The following GLDC variants were observed in gnomAD, a reference collection of about 807,000 sequenced individuals.
GLDC encodes the protein glycine dehydrogenase (decarboxylating), mitochondrial.
Under a neutral mutation model 121.3 loss-of-function variants are expected in GLDC, and 104 were observed. That is an observed-to-expected ratio of 0.86 (90% CI 0.73 to 1.01). GLDC has a LOEUF of 1.01. Among genes scored for constraint, GLDC ranks in the 50% least tolerant of loss-of-function variants. The pLI, the probability that GLDC is intolerant of heterozygous loss-of-function variation, is 0.00. For missense variants in GLDC, 1,429 were observed against 1,306.6 expected (o/e 1.09, Z -1.44); for synonymous variants, 546 against 480.6 (o/e 1.14, Z -1.78).
intron 2 of GLDC, among the ~76,000 whole-genome samples, chr9:6,630,376 A>G (rs1040835464): frequency 2.6e-5 from 4 of 152,316 alleles, no homozygotes; most frequent in Admixed American, 6.5e-5. Flanking sequence ...AGGCATCAGT[A>G]GGCCATCCAC....
At chr9:6,629,258 A>T (rs1195098752) in intron 2 of GLDC, among the ~76,000 whole-genome samples, 1 of 149,454 alleles carries the variant, frequency 6.7e-6, no homozygotes, top group Non-Finnish European at 1.5e-5. Flanking sequence ...TCTGTTGCCC[A>T]GGTTGGAGTG....
intron 6 of GLDC, 106 bp downstream of exon 6, chr9:6,605,025 A>T: frequency 8.7e-7 from 1 of 1,150,168 alleles, no homozygotes; most frequent in Non-Finnish European, 1.3e-6. Context: ...TCCATGTGAT[A>T]ATGGTAAAGA....
intron 21 of GLDC, among the ~76,000 whole-genome samples, chr9:6,546,446 C>A (rs374669783): frequency 4.0e-5 from 6 of 151,178 alleles, no homozygotes; most frequent in Non-Finnish European, 8.9e-5. Context: ...GCAACCCTCC[C>A]GGCTTGGCCT....
At chr9:6,618,867 G>C (rs1465962055) in intron 3 of GLDC, among the ~76,000 whole-genome samples, 1 of 151,854 alleles carries the variant, frequency 6.6e-6, no homozygotes. Context: ...GACTTGGCTG[G>C]GCGCGGTGGC....
In GLDC at chr9:6,576,878, C is replaced by G. The variant is rs543222820; in HGVS notation, c.1850+10263G>C. Among the ~76,000 whole-genome samples, 3 of 152,298 alleles carry G rather than the reference C, an allele frequency of 2.0e-5. No individual in the cohort carries two copies. In the East Asian group the frequency reaches 5.8e-4, roughly 29 times the overall value. ...GACTGTCTATTCCTGAATTAAATCT[C>G]ATTCACTTTTCTGTTGCTAGAGAAA... On this transcript the variant is annotated intron_variant, in intron 15 of 24. Coordinates refer to ENST00000321612, the MANE Select transcript of GLDC (RefSeq NM_000170.3).
intron 15 of GLDC, among the ~76,000 whole-genome samples, chr9:6,572,190 A>G (rs1422347527): frequency 6.6e-6 from 1 of 152,246 alleles, no homozygotes; most frequent in Non-Finnish European, 1.5e-5. Flanking sequence ...GAACTCCATC[A>G]TAATTAAAAA....
At chr9:6,581,827 G>C (rs1049298868) in intron 15 of GLDC, among the ~76,000 whole-genome samples, 3 of 152,132 alleles carry the variant, frequency 2.0e-5, no homozygotes, top group Non-Finnish European at 4.4e-5. Context: ...TGTATATTTA[G>C]AGTTGCCTTT....
At position 6,556,108 on chromosome 9, in the gene GLDC, C is replaced by A. The variant is rs756235649; in HGVS notation, c.2202+45G>T. 8 of 1,540,810 alleles carry A rather than the reference C, an allele frequency of 5.2e-6. No homozygotes were observed. The South Asian group carries it at 7.9e-5, about 15-fold the overall frequency. ...AGAATTTTTTTTTTTTTCCACATAT[C>A]CATTTTCTCAGTGGGAACTAAGGGC... On this transcript the variant is annotated intron_variant, in intron 18 of 24. Coordinates refer to ENST00000321612, the MANE Select transcript of GLDC (RefSeq NM_000170.3).
At chr9:6,538,358 A>C (rs1283592742) in intron 22 of GLDC, among the ~76,000 whole-genome samples, 2 of 152,248 alleles carry the variant, frequency 1.3e-5, no homozygotes, top group East Asian at 3.8e-4. Context: ...ATTAGCCTGG[A>C]ACTGCTGGGT....
intron 21 of GLDC, among the ~76,000 whole-genome samples, chr9:6,550,121 G>C (rs930538992): frequency 1.3e-5 from 2 of 152,208 alleles, no homozygotes; most frequent in South Asian, 4.1e-4. Context: ...AATGGCTCCA[G>C]CAAGAAGGCG....
At position 6,592,897 on chromosome 9, in the gene GLDC, C is replaced by T. The variant is rs754371399; in HGVS notation, c.1355G>A (p.Arg452Lys). ...AAAATTGATCTGCCGCTGAGCGGCCCTGCCCAAGACCTCCTTCACTGAGCA... is the reference window on the plus strand; with the variant it reads ...AAAATTGATCTGCCGCTGAGCGGCCTTGCCCAAGACCTCCTTCACTGAGCA... ...CGCSVKEVLG[R>K]AAQRQINFRL... is the part of the protein sequence containing the mutation. Residue 452 changes from arginine to lysine, a missense_variant, in exon 10 of 25, where the codon AGG becomes AAG. By Grantham distance (26) the Arg-to-Lys change is conservative. Coordinates refer to ENST00000321612, the MANE Select transcript of GLDC (RefSeq NM_000170.3). 1 of 1,614,010 alleles carries T rather than the reference C, an allele frequency of 6.2e-7. No homozygotes were observed. Among genetic ancestry groups the T allele is most frequent in the Non-Finnish European group, 8.5e-7 (1 of 1,179,880 alleles).
chr9:6,552,770 T>C (rs1817541298), intron 20 of GLDC, among the ~76,000 whole-genome samples: 1 of 151,952 alleles, frequency 6.6e-6, no homozygotes, highest in African/African-American at 2.4e-5. Context: ...CTGTAGAAAA[T>C]CAACTCTGGC....
At chr9:6,639,542 G>C (rs563156700) in intron 2 of GLDC, 1 of 786,530 alleles carries the variant, frequency 1.3e-6, no homozygotes, top group Non-Finnish European at 2.3e-6. Flanking sequence ...ATGGAGAGAA[G>C]AAGGTATATG....
chr9:6,565,202 A>AT, intron 16 of GLDC, 152 bp downstream of exon 16: 2 of 742,108 alleles, frequency 2.7e-6, no homozygotes, highest in Admixed American at 3.8e-5. Flanking sequence ...AGCAAGGATC[A>AT]TAATGGCTAG....
chr9:6,564,124 T>A (rs1214606199), intron 16 of GLDC, among the ~76,000 whole-genome samples: 3 of 152,026 alleles, frequency 2.0e-5, no homozygotes, highest in African/African-American at 7.3e-5. Flanking sequence ...GGCGCATGCC[T>A]GTAATCCCAG....
intron 2 of GLDC, among the ~76,000 whole-genome samples, chr9:6,629,957 A>ATGTATATATATATGTATATAT: frequency 1.2e-5 from 1 of 83,102 alleles, no homozygotes; most frequent in African/African-American, 6.9e-5. Context: ...ATATATATAT[A>ATGTATATATATATGTATATAT]TTTTTTTTTT....
chr9:6,556,790 C>T (rs910253914), intron 17 of GLDC, among the ~76,000 whole-genome samples: 14 of 113,246 alleles, frequency 1.2e-4, no homozygotes, highest in South Asian at 3.0e-4. Flanking sequence ...AGAGACTCCA[C>T]GTCAAAAAAA....
chr9:6,571,398 TA>T (rs1485723638), intron 15 of GLDC, among the ~76,000 whole-genome samples: 2 of 152,160 alleles, frequency 1.3e-5, no homozygotes, highest in East Asian at 3.8e-4. Flanking sequence ...CAACAATAAC[TA>T]AGAATAAATA....
intron 15 of GLDC, among the ~76,000 whole-genome samples, chr9:6,586,285 A>G (rs1412736060): frequency 3.3e-5 from 5 of 152,108 alleles, no homozygotes; most frequent in Non-Finnish European, 7.4e-5. Flanking sequence ...ACAAGAGCAA[A>G]ACTCCATCTA....
Sources: gnomAD v4.1 joint callset for allele counts (sites outside exome capture counted in the v4.1 genomes callset) on GRCh38, gnomAD v4.1.1 for gene constraint, MANE v1.5 for transcripts, NCBI Gene and HGNC (gene_info 2026-07-23, HGNC 2026-07-21) for gene names.